CDK19: variants seen among roughly 807,000 people sequenced by gnomAD.
The protein encoded by CDK19 is cyclin dependent kinase 19.
CDK19 carries 20 observed loss-of-function variants against 68.3 expected under a neutral mutation model. The observed-to-expected ratio is 0.29, with a 90% confidence interval of 0.21 to 0.43. The LOEUF (loss-of-function observed/expected upper bound fraction) is 0.43, where lower values mean the gene tolerates loss of function less well. CDK19 is among the 20% of genes least tolerant of loss of function. The pLI is 1.00. For synonymous variants in CDK19, 221 were observed against 222.8 expected (o/e 0.99, Z 0.07); for missense variants, 339 against 623.5 (o/e 0.54, Z 4.86).
At chr6:110,670,175 G>A (rs1770876724) in intron 3 of CDK19, among the ~76,000 whole-genome samples, 2 of 147,334 alleles carry the variant, frequency 1.4e-5, no homozygotes, top group African/African-American at 2.7e-5. Flanking sequence ...TCTCCCCCGG[G>A]CCAAAAAAAG....
chr6:110,800,413 C>CA (rs754949476), intron 1 of CDK19, among the ~76,000 whole-genome samples: 7 of 152,042 alleles, frequency 4.6e-5, no homozygotes, highest in African/African-American at 1.2e-4. Flanking sequence ...GAAACTACTC[C>CA]AAAAAATCAA....
At chr6:110,767,861 C>T (rs1011145413) in intron 1 of CDK19, among the ~76,000 whole-genome samples, 1 of 152,006 alleles carries the variant, frequency 6.6e-6, no homozygotes, top group African/African-American at 2.4e-5. Context: ...AAAACTAAAA[C>T]TTTTGCTTTG....
rs199877951 is a variant in CDK19 at position 110,670,437 on chromosome 6, G to A, written c.309C>T (p.Asp103=). The change falls in exon 3 of 13, where the codon GAC becomes GAT. Residue 103 remains aspartate (D), a synonymous_variant. Transcript: ENST00000368911. ...ACAGTGAGATTATACTTACCCACAA[G>A]TCATGCTCTGCATAATCAAACAGCA... is the stretch of plus-strand genomic sequence containing the variant. ...VWLLFDYAEH[D]LWHIIKFHRA... is the part of the protein sequence containing the mutation. 7 of 1,571,432 alleles carry A rather than the reference G, an allele frequency of 4.5e-6. No homozygotes were observed. In the Admixed American group the frequency reaches 1.0e-4, roughly 22 times the overall value.
chr6:110,763,580 T>C (rs2114962078), intron 1 of CDK19, among the ~76,000 whole-genome samples: 1 of 152,200 alleles, frequency 6.6e-6, no homozygotes, highest in South Asian at 2.1e-4. Context: ...CACACCCTGC[T>C]AATTTTGTAT....
intron 2 of CDK19, among the ~76,000 whole-genome samples, chr6:110,708,413 G>C (rs1001221556): frequency 6.6e-6 from 1 of 152,178 alleles, no homozygotes; most frequent in African/African-American, 2.4e-5. Context: ...TGGAGAGCTG[G>C]TTCCCTCCCC....
At chr6:110,741,300 T>TA (rs111770926) in intron 2 of CDK19, among the ~76,000 whole-genome samples, 2,699 of 144,074 alleles carry the variant, frequency 0.019, 43 homozygotes, top group Non-Finnish European at 0.026. Flanking sequence ...TACAAAAAAT[T>TA]AAAAAAAAAA....
chr6:110,799,033 A>G (rs1782159217), intron 1 of CDK19, among the ~76,000 whole-genome samples: 1 of 151,114 alleles, frequency 6.6e-6, no homozygotes, highest in Non-Finnish European at 1.5e-5. Flanking sequence ...AAGCCTAGCT[A>G]CTCAGGAGGC....
intron 4 of CDK19, among the ~76,000 whole-genome samples, chr6:110,665,695 G>A (rs756354211): frequency 8.5e-5 from 13 of 152,146 alleles, no homozygotes; most frequent in East Asian, 3.9e-4. Context: ...CTAAAAGCCC[G>A]TTTATGAAAG....
intron 1 of CDK19, among the ~76,000 whole-genome samples, chr6:110,767,750 T>G (rs1338815394): frequency 5.3e-5 from 8 of 152,134 alleles, no homozygotes; most frequent in African/African-American, 1.7e-4. Context: ...CATTACACAT[T>G]GTATACATGT....
At chr6:110,753,540 A>G (rs1341204331) in intron 1 of CDK19, among the ~76,000 whole-genome samples, 4 of 139,614 alleles carry the variant, frequency 2.9e-5, no homozygotes, top group Admixed American at 7.0e-5. Context: ...GCACCACCAC[A>G]CCTGGATTTT....
At position 110,627,108 on chromosome 6, in the gene CDK19, C is replaced by A; in HGVS notation, c.684G>T (p.Leu228Phe). 6.2e-7 allele frequency: 1 copy of A among 1,612,206 alleles called. No homozygotes were observed. The highest frequency in any genetic ancestry group is 8.5e-7 in the Non-Finnish European group (1 of 1,178,738). Residue 228 changes from leucine (L) to phenylalanine (F), a missense_variant, in exon 7 of 13, where the codon TTG becomes TTT. Physicochemically the swap from Leu to Phe is conservative, Grantham distance 22. Transcript: ENST00000368911. The stretch of plus-strand genomic sequence containing the variant: ...GACAGTGAAAAATAGGTTCCGAAGT[C>A]AACAATTCAGCAAATATACAACCTA... ...WAIGCIFAEL[L>F]TSEPIFHCRQ...
intron 1 of CDK19, among the ~76,000 whole-genome samples, chr6:110,801,086 C>T (rs907121854): frequency 1.3e-5 from 2 of 152,114 alleles, no homozygotes; most frequent in Admixed American, 6.5e-5. Context: ...ACCCGATAAA[C>T]GACTTCAGTA....
intron 1 of CDK19, among the ~76,000 whole-genome samples, chr6:110,771,057 T>C (rs1779982247): frequency 6.6e-6 from 1 of 152,124 alleles, no homozygotes; most frequent in Non-Finnish European, 1.5e-5. Context: ...GTGTTGAGTG[T>C]CTGCAGCTTT....
chr6:110,734,520 G>GCTTTCT (rs1554214774), intron 2 of CDK19, among the ~76,000 whole-genome samples: 2 of 85,734 alleles, frequency 2.3e-5, no homozygotes, highest in South Asian at 8.6e-4. Context: ...GGTGAGCACT[G>GCTTTCT]CTCTCTCTCT....
intron 2 of CDK19, chr6:110,670,812 T>C (rs777244802): frequency 7.4e-6 from 4 of 541,198 alleles, no homozygotes; most frequent in African/African-American, 3.8e-5. Flanking sequence ...CAAGCAGGAA[T>C]GTGTTTTTAA....
chr6:110,814,764 C>T, intron 1 of CDK19: 1 of 658,738 alleles, frequency 1.5e-6, no homozygotes, highest in Non-Finnish European at 2.8e-6. Context: ...GGAGGGCGCC[C>T]CTCTGGGACG....
Position 110,767,673 on chromosome 6 carries a change from A to T in CDK19, c.129-21472T>A, listed in dbSNP as rs147348042. On this transcript the variant is annotated intron_variant, in intron 1 of 12. Transcript: ENST00000368911. ...ACCCAGCCATGAAGAGAGAATTTTGAATGTTCCCAACACAAATAAATGATA... is the reference window on the plus strand; with the variant it reads ...ACCCAGCCATGAAGAGAGAATTTTGTATGTTCCCAACACAAATAAATGATA... 3.3e-4 allele frequency among the ~76,000 whole-genome samples: 50 copies of T among 152,058 alleles called. 2 individuals are homozygous for T. In the East Asian group the frequency reaches 8.9e-3, roughly 27 times the overall value.
At chr6:110,795,804 A>C (rs1476329781) in intron 1 of CDK19, among the ~76,000 whole-genome samples, 3 of 152,154 alleles carry the variant, frequency 2.0e-5, no homozygotes, top group Non-Finnish European at 4.4e-5. Flanking sequence ...TTGCATATTC[A>C]TATAAGAGTA....
chr6:110,712,706 T>C (rs1384257859), intron 2 of CDK19, among the ~76,000 whole-genome samples: 1 of 152,148 alleles, frequency 6.6e-6, no homozygotes, highest in Non-Finnish European at 1.5e-5. Flanking sequence ...CGAAGCAGGA[T>C]AAACAGGATA....
Sources: gnomAD v4.1 joint callset for allele counts (sites outside exome capture counted in the v4.1 genomes callset) on GRCh38, gnomAD v4.1.1 for gene constraint, MANE v1.5 for transcripts, NCBI Gene and HGNC (gene_info 2026-07-23, HGNC 2026-07-21) for gene names.